SPICE1: variants seen among roughly 807,000 people sequenced by gnomAD.
SPICE1 encodes spindle and centriole associated protein 1.
A neutral mutation model predicts 102.7 loss-of-function variants in SPICE1; 75 were observed. The observed-to-expected ratio is 0.73, with a 90% CI of 0.61 to 0.88. The LOEUF is 0.88. Among genes scored for constraint, SPICE1 ranks in the 40% least tolerant of loss-of-function variants. The pLI, the probability that SPICE1 is intolerant of heterozygous loss-of-function variation, is 0.00. For missense variants in SPICE1, 979 were observed against 1,020.1 expected, an observed-to-expected ratio of 0.96 and a Z score of 0.55; for synonymous variants, 308 against 350.3, an observed-to-expected ratio of 0.88 and a Z score of 1.35.
rs776824249 is a variant in SPICE1, at chr3:113,465,734, T to C, written c.1206A>G (p.Gln402=). The C allele has an allele frequency of 6.0e-5, 97 of 1,613,794 alleles. No homozygotes were observed. The Admixed American group carries it at 1.6e-3, about 26-fold the overall frequency. The change falls in exon 11 of 18, where the codon CAA becomes CAG. Residue 402 remains glutamine, a synonymous_variant. Transcript: ENST00000295872. ...TGAGCTCTCGATGATCACCTAATAC[T>C]TGTTCCAGTTGTTGCCTTGTCTCTA... ...KEVETRQQLE[Q]VLGDHRELID... is the part of the protein sequence containing the mutation.
At chr3:113,473,883 G>A (rs1409126160) in intron 7 of SPICE1, among the ~76,000 whole-genome samples, 1 of 151,354 alleles carries the variant, frequency 6.6e-6, no homozygotes, top group East Asian at 1.9e-4. Flanking sequence ...ATCAACTAAC[G>A]AGCAAAATAA....
At chr3:113,466,999 A>C (rs1936073565) in intron 10 of SPICE1, among the ~76,000 whole-genome samples, 1 of 151,922 alleles carries the variant, frequency 6.6e-6, no homozygotes, top group Non-Finnish European at 1.5e-5. Flanking sequence ...CAGTGAGCCG[A>C]GATCATGCCA....
At chr3:113,446,537 A>G in intron 17 of SPICE1, 52 bp downstream of exon 17, 1 of 1,323,724 alleles carries the variant, frequency 7.6e-7, no homozygotes, top group Non-Finnish European at 1.1e-6. Context: ...TAAATCAGCC[A>G]CCTTCTACCC....
At chr3:113,468,935 G>T (rs889199455) in intron 8 of SPICE1, 36 bp from the exon 9 acceptor site, 3 of 1,589,166 alleles carry the variant, frequency 1.9e-6, no homozygotes, top group South Asian at 2.3e-5. Flanking sequence ...TATCTCAAGT[G>T]AACAAACTTC....
chr3:113,473,437 A>T (rs1399364615), intron 7 of SPICE1, among the ~76,000 whole-genome samples: 1 of 152,106 alleles, frequency 6.6e-6, no homozygotes, highest in African/African-American at 2.4e-5. Flanking sequence ...TACAGAGAAC[A>T]CCACAAAGAT....
chr3:113,479,806 A>G (rs149100928), intron 7 of SPICE1, among the ~76,000 whole-genome samples: 11 of 152,336 alleles, frequency 7.2e-5, no homozygotes, highest in Middle Eastern at 3.4e-3. Context: ...TTAAAAATAA[A>G]AGAATGAAAA....
intron 7 of SPICE1, among the ~76,000 whole-genome samples, chr3:113,478,679 T>A (rs75549250): frequency 0.012 from 1,899 of 152,204 alleles, 30 homozygotes; most frequent in African/African-American, 0.035. Context: ...TACACCATTC[T>A]CAGAAGAAAA....
rs775549526 is a variant in SPICE1 at position 113,445,366 on chromosome 3, G to A, written c.2515-6C>T. On this transcript the variant is annotated splice_region_variant and splice_polypyrimidine_tract_variant and intron_variant, in intron 17 of 17. Transcript: ENST00000295872. ...TCTTCATTCTGTTTCTCAATCTGTT[G>A]AACAAAGACACGGAAAAAATTTAGA... 6.2e-7 allele frequency: 1 copy of A among 1,611,874 alleles called. No individual in the cohort carries two copies. Among genetic ancestry groups the A allele is most frequent in the East Asian group, 2.2e-5 (1 of 44,666 alleles).
chr3:113,468,213 T>C lies in SPICE1; in HGVS notation c.1081A>G (p.Ser361Gly). The change falls in exon 10 of 18, where the codon AGC becomes GGC. Residue 361 changes from serine (S) to glycine (G), a missense_variant. By Grantham distance (56) the Ser-to-Gly change is moderately conservative. Transcript: ENST00000295872. ...WTGREVKGLQSSQGLTGFTLS... is the reference protein window; with the variant it reads ...WTGREVKGLQGSQGLTGFTLS... ...GTGAAGCCTGTAAGACCCTGACTGC[T>C]CTGCAGACCCTTGACCTCGCGACCT... 1 of 1,614,154 alleles carries C rather than the reference T, an allele frequency of 6.2e-7. No individual in the cohort carries two copies. The highest frequency in any genetic ancestry group is 8.5e-7 in the Non-Finnish European group (1 of 1,180,036).
At chr3:113,476,408 T>C in intron 7 of SPICE1, among the ~76,000 whole-genome samples, 1 of 151,026 alleles carries the variant, frequency 6.6e-6, no homozygotes, top group Non-Finnish European at 1.5e-5. Flanking sequence ...TACCAATGAC[T>C]TTCTTCACAG....
At chr3:113,514,664 A>G (rs1216238177) in intron 1 of SPICE1, 2 of 736,898 alleles carry the variant, frequency 2.7e-6, no homozygotes, top group Non-Finnish European at 4.1e-6. Flanking sequence ...TCACAGGAGG[A>G]GCCTTCTGAG....
chr3:113,495,605 A>G (rs1936865277), intron 4 of SPICE1, among the ~76,000 whole-genome samples: 1 of 152,200 alleles, frequency 6.6e-6, no homozygotes, highest in Non-Finnish European at 1.5e-5. Context: ...ATATGGAAAC[A>G]CTGAAAACCT....
intron 17 of SPICE1, among the ~76,000 whole-genome samples, chr3:113,445,705 T>C (rs892728491): frequency 2.6e-5 from 4 of 152,214 alleles, no homozygotes; most frequent in African/African-American, 9.6e-5. Context: ...GAATAATTTA[T>C]ATAAATTAGC....
intron 6 of SPICE1, among the ~76,000 whole-genome samples, chr3:113,490,592 T>C (rs1482042932): frequency 6.6e-6 from 1 of 151,678 alleles, no homozygotes. Flanking sequence ...CAGTGAGTCA[T>C]GATTGTGCCA....
chr3:113,481,231 G>A (rs1057084114), intron 7 of SPICE1, among the ~76,000 whole-genome samples: 21 of 152,008 alleles, frequency 1.4e-4, no homozygotes, highest in Non-Finnish European at 2.5e-4. Flanking sequence ...ATGGAAATCA[G>A]TAACTTTCAT....
intron 1 of SPICE1, chr3:113,514,476 C>T (rs1159920368): frequency 1.1e-5 from 4 of 371,998 alleles, no homozygotes; most frequent in Non-Finnish European, 2.1e-5. Context: ...CATTCAGACC[C>T]TCTCCCCCAT....
intron 7 of SPICE1, among the ~76,000 whole-genome samples, chr3:113,473,222 G>A (rs1458396303): frequency 1.3e-5 from 2 of 152,138 alleles, no homozygotes; most frequent in Non-Finnish European, 2.9e-5. Flanking sequence ...GAAGCGAGAA[G>A]GGAAGTTTAC....
At chr3:113,499,960 T>A (rs554281911) in intron 3 of SPICE1, among the ~76,000 whole-genome samples, 1 of 152,036 alleles carries the variant, frequency 6.6e-6, no homozygotes, top group Non-Finnish European at 1.5e-5. Context: ...TACACACATA[T>A]ACACACACTA....
In SPICE1 at chr3:113,480,912, T is replaced by TAAAGAAAGAAAGAAAGAAAGAAAGAAAG. The variant is rs1553768641; in HGVS notation, c.611+8032_611+8033insCTTTCTTTCTTTCTTTCTTTCTTTCTTT. Reference sequence around the variant, plus strand: ...AAAAATAACAATGATTTTAAAAATTTAAAGAAAGAAAGAAAGAAAAAAGAC... The same window carrying TAAAGAAAGAAAGAAAGAAAGAAAGAAAG: ...AAAAATAACAATGATTTTAAAAATTTAAAGAAAGAAAGAAAGAAAGAAAGAAAGAAAGAAAGAAAGAAAGAAAAAAGAC... On this transcript the variant is annotated intron_variant, in intron 7 of 17. Transcript: ENST00000295872. Among the ~76,000 whole-genome samples the TAAAGAAAGAAAGAAAGAAAGAAAGAAAG allele has an allele frequency of 3.5e-3, 375 of 106,494 alleles. 10 individuals are homozygous for TAAAGAAAGAAAGAAAGAAAGAAAGAAAG. Among genetic ancestry groups the TAAAGAAAGAAAGAAAGAAAGAAAGAAAG allele is most frequent in the Middle Eastern group, 0.021 (5 of 234 alleles). The allele number at this position is 106,494 out of a possible 152,430, so 69.9% of individuals were successfully genotyped here. A position where few individuals can be genotyped will look rare whatever the true frequency, so the allele number is the denominator to read the frequency against.
Sources: gnomAD v4.1 joint callset for allele counts (sites outside exome capture counted in the v4.1 genomes callset) on GRCh38, gnomAD v4.1.1 for gene constraint, MANE v1.5 for transcripts, NCBI Gene and HGNC (gene_info 2026-07-23, HGNC 2026-07-21) for gene names.